PTPRZ1: variants seen among roughly 807,000 people sequenced by gnomAD.
The protein encoded by PTPRZ1 is receptor-type tyrosine-protein phosphatase zeta.
A neutral mutation model predicts 214.1 loss-of-function variants in PTPRZ1; 82 were observed. That is an observed-to-expected ratio of 0.38 (90% confidence interval 0.32 to 0.46). The LOEUF is 0.46. PTPRZ1 is among the 20% of genes least tolerant of loss of function. The pLI is 1.00. For missense variants in PTPRZ1, 2,603 were observed against 2,748.7 expected (o/e 0.95, Z 1.19); for synonymous variants, 945 against 987.9 (o/e 0.96, Z 0.81).
At chr7:122,046,889 A>C (rs929612326) in intron 23 of PTPRZ1, among the ~76,000 whole-genome samples, 5 of 152,194 alleles carry the variant, frequency 3.3e-5, no homozygotes, top group African/African-American at 1.2e-4. Flanking sequence ...GAAGCCTCGG[A>C]ATTGGATAAA....
At chr7:121,957,256 G>A (rs2116475421) in intron 2 of PTPRZ1, among the ~76,000 whole-genome samples, 1 of 152,216 alleles carries the variant, frequency 6.6e-6, no homozygotes, top group East Asian at 1.9e-4. Context: ...GATCTTCTCT[G>A]TGGTTCATCC....
At chr7:122,032,270 A>G (rs1799402424) in intron 15 of PTPRZ1, among the ~76,000 whole-genome samples, 1 of 152,230 alleles carries the variant, frequency 6.6e-6, no homozygotes, top group African/African-American at 2.4e-5. Flanking sequence ...TCAGTGGACT[A>G]CATGCTTTCA....
chr7:121,906,816 T>A (rs1364449995), intron 1 of PTPRZ1, among the ~76,000 whole-genome samples: 1 of 152,180 alleles, frequency 6.6e-6, no homozygotes, highest in Admixed American at 6.6e-5. Context: ...AATGGTCAGG[T>A]TTTGCTCACA....
chr7:121,984,197 A>G, intron 8 of PTPRZ1, 80 bp downstream of exon 8: 1 of 1,250,692 alleles, frequency 8.0e-7, no homozygotes, highest in Non-Finnish European at 1.1e-6. Flanking sequence ...TGACAAATAT[A>G]GAGGACTTAG....
intron 6 of PTPRZ1, 39 bp from the exon 7 acceptor site, chr7:121,983,626 G>A: frequency 3.2e-6 from 5 of 1,559,960 alleles, no homozygotes; most frequent in Non-Finnish European, 4.4e-6. Context: ...AAGTTCCAGT[G>A]TTGAGATTCC....
chr7:121,877,065 A>T lies in PTPRZ1; in HGVS notation c.58+3508A>T, dbSNP rs144418324. Among the ~76,000 whole-genome samples, 77 of 152,308 alleles carry T rather than the reference A, an allele frequency of 5.1e-4. 1 individual carries two copies. The South Asian group carries it at 8.9e-3, about 18-fold the overall frequency. The stretch of plus-strand genomic sequence containing the variant: ...AAAGGAAGGCATAATTAAGAAGATG[A>T]GCCTGTGTTTCATTTTCAGTTACCA... On this transcript the variant is annotated intron_variant, in intron 1 of 29. Coordinates refer to ENST00000393386, the MANE Select transcript of PTPRZ1 (RefSeq NM_002851.3).
intron 22 of PTPRZ1, among the ~76,000 whole-genome samples, chr7:122,043,776 GGAGA>G (rs1562879182): frequency 6.6e-6 from 1 of 152,102 alleles, no homozygotes; most frequent in Non-Finnish European, 1.5e-5. Context: ...ATGGCAGGAG[GGAGA>G]GAATCAGGAA....
intron 1 of PTPRZ1, among the ~76,000 whole-genome samples, chr7:121,925,224 C>A (rs1373602928): frequency 3.3e-5 from 5 of 152,146 alleles, no homozygotes; most frequent in Non-Finnish European, 7.4e-5. Context: ...CAGTCAGTAA[C>A]CTTTTATGGC....
intron 18 of PTPRZ1, among the ~76,000 whole-genome samples, chr7:122,038,509 CTTTTTT>C (rs140553499): frequency 9.4e-6 from 1 of 106,304 alleles, no homozygotes; most frequent in Non-Finnish European, 1.9e-5. Context: ...GAGAGCTATT[CTTTTTT>C]TTTTTTTTTT....
At chr7:121,894,430 G>A (rs1461241493) in intron 1 of PTPRZ1, among the ~76,000 whole-genome samples, 1 of 151,894 alleles carries the variant, frequency 6.6e-6, no homozygotes, top group Non-Finnish European at 1.5e-5. Flanking sequence ...ATTTGAGAAG[G>A]GATCTGCCTC....
In PTPRZ1 at chr7:122,051,853, T is replaced by C. The variant is rs761984099; in HGVS notation, c.6179-13T>C. On this transcript the variant is annotated splice_polypyrimidine_tract_variant and intron_variant, in intron 24 of 29. Transcript: ENST00000393386. Reference sequence around the variant, plus strand: ...GTTTTGTTTTGTTTTACAATGAATGTTCTGTGTTCCAGTGGAAAGATCAAG... The same window carrying C: ...GTTTTGTTTTGTTTTACAATGAATGCTCTGTGTTCCAGTGGAAAGATCAAG... 8.1e-6 allele frequency: 13 copies of C among 1,610,446 alleles called. No homozygotes were observed. Among genetic ancestry groups the C allele is most frequent in the Admixed American group, 3.3e-5 (2 of 59,836 alleles).
chr7:122,052,029 T>C (rs1481346200), intron 25 of PTPRZ1, 90 bp downstream of exon 25: 4 of 962,676 alleles, frequency 4.2e-6, no homozygotes, highest in Non-Finnish European at 6.1e-6. Context: ...ACTACAGGCA[T>C]GGGCAAATGA....
chr7:121,951,099 T>C (rs938161416), intron 2 of PTPRZ1, among the ~76,000 whole-genome samples: 3 of 152,236 alleles, frequency 2.0e-5, no homozygotes, highest in African/African-American at 7.2e-5. Context: ...CATTTTATGT[T>C]CTAGAGTTCT....
intron 2 of PTPRZ1, among the ~76,000 whole-genome samples, chr7:121,930,039 C>G (rs1253714266): frequency 6.6e-6 from 1 of 151,316 alleles, no homozygotes; most frequent in Non-Finnish European, 1.5e-5. Context: ...TTTTTATTAC[C>G]ACTGAAGTCA....
chr7:122,002,486 G>A (rs190196887), intron 10 of PTPRZ1, among the ~76,000 whole-genome samples: 2 of 152,166 alleles, frequency 1.3e-5, no homozygotes, highest in Admixed American at 6.5e-5. Context: ...GATGTGATTG[G>A]ATTAAAACCC....
chr7:121,943,471 G>A (rs1796287875), intron 2 of PTPRZ1, among the ~76,000 whole-genome samples: 1 of 152,090 alleles, frequency 6.6e-6, no homozygotes, highest in African/African-American at 2.4e-5. Context: ...AAGTAGCTGG[G>A]ACTACAGGTG....
intron 2 of PTPRZ1, among the ~76,000 whole-genome samples, chr7:121,964,078 T>C (rs1038476857): frequency 6.6e-6 from 1 of 152,096 alleles, no homozygotes; most frequent in South Asian, 2.1e-4. Context: ...ATTGATCAAA[T>C]TTTTTTGGTT....
In PTPRZ1 at chr7:122,039,587, A is replaced by G. The variant is rs1282961123; in HGVS notation, c.5636A>G (p.Lys1879Arg). 7 of 1,613,186 alleles carry G rather than the reference A, an allele frequency of 4.3e-6. No individual in the cohort carries two copies. The Middle Eastern group carries it at 6.6e-4, about 152-fold the overall frequency. The change falls in exon 20 of 30, where the codon AAG (lysine) becomes AGG (arginine). Residue 1879 changes from lysine (K) to arginine (R), a missense_variant and splice_region_variant. Physicochemically the swap from Lys to Arg is conservative, Grantham distance 26. Transcript: ENST00000393386. ...NFTLRNTKIK[K>R]GSQKGRPSGR... is the part of the protein sequence containing the mutation. ...ACTCTAAGAAACACAAAAATAAAAAAGGTGAGTCAACAAAATGATGGGCAT... is the reference window on the plus strand; with the variant it reads ...ACTCTAAGAAACACAAAAATAAAAAGGGTGAGTCAACAAAATGATGGGCAT...
At chr7:121,920,559 G>A (rs974002842) in intron 1 of PTPRZ1, among the ~76,000 whole-genome samples, 1 of 151,922 alleles carries the variant, frequency 6.6e-6, no homozygotes, top group Non-Finnish European at 1.5e-5. Flanking sequence ...TTTCTCTTAT[G>A]ATGGAACAAA....
Sources: gnomAD v4.1 joint callset for allele counts (sites outside exome capture counted in the v4.1 genomes callset) on GRCh38, gnomAD v4.1.1 for gene constraint, MANE v1.5 for transcripts, NCBI Gene and HGNC (gene_info 2026-07-23, HGNC 2026-07-21) for gene names.